KLHL8: variants seen among roughly 807,000 people sequenced by gnomAD.
KLHL8 encodes the protein kelch-like protein 8.
Under a neutral mutation model 63.5 loss-of-function variants are expected in KLHL8, and 38 were observed. The observed-to-expected ratio is 0.60, with a 90% confidence interval of 0.46 to 0.78. KLHL8 has a LOEUF of 0.78. KLHL8 is among the 30% of genes least tolerant of loss of function. The probability of loss-of-function intolerance (pLI) is 0.00; values close to 1 mark genes in which losing one functional copy is unlikely to be tolerated. For missense variants in KLHL8, 566 were observed against 752.4 expected (o/e 0.75, Z 2.90); for synonymous variants, 224 against 254.3 (o/e 0.88, Z 1.13).
chr4:87,202,435 T>C (rs964769270), intron 1 of KLHL8, among the ~76,000 whole-genome samples: 1 of 152,066 alleles, frequency 6.6e-6, no homozygotes, highest in Non-Finnish European at 1.5e-5. Context: ...ATCAACAGAA[T>C]TGATAAACAT....
chr4:87,170,675 A>AC, intron 6 of KLHL8, 60 bp from the exon 7 acceptor site: 1 of 1,466,782 alleles, frequency 6.8e-7, no homozygotes, highest in Non-Finnish European at 9.3e-7. Context: ...AAAAAGTCAT[A>AC]TAAAAAATTG....
rs1017323281 is a variant in KLHL8 at position 87,181,405 on chromosome 4, CA to C, written c.952+1797del. On this transcript the variant is annotated intron_variant, in intron 4 of 9. Transcript: ENST00000273963. ...TGGGTGACAGAGCGAGACTCAGTCT[CA>C]AAAAAAAAGAAATCTGTTTATAAGT... is the stretch of plus-strand genomic sequence containing the variant. 1.4e-3 allele frequency among the ~76,000 whole-genome samples: 216 copies of C among 149,452 alleles called. 2 individuals carry two copies. Among genetic ancestry groups the C allele is most frequent in the African/African-American group, 4.5e-3 (185 of 40,784 alleles).
chr4:87,205,209 C>A (rs143403117), intron 1 of KLHL8, among the ~76,000 whole-genome samples: 2,464 of 152,250 alleles, frequency 0.016, 75 homozygotes, highest in African/African-American at 0.057. Flanking sequence ...GAGTTCAAGA[C>A]CAGCCTGGGC....
chr4:87,208,684 A>T (rs1222812812), intron 1 of KLHL8, among the ~76,000 whole-genome samples: 1 of 152,056 alleles, frequency 6.6e-6, no homozygotes, highest in Non-Finnish European at 1.5e-5. Flanking sequence ...GTCCTATATG[A>T]GTATTATGAC....
upstream of KLHL8, among the ~76,000 whole-genome samples, chr4:87,221,796 T>A (rs1054701804): frequency 2.6e-5 from 4 of 152,178 alleles, no homozygotes; most frequent in African/African-American, 4.8e-5. Context: ...ATATAAATAA[T>A]TCTTAATATT....
chr4:87,226,874 TAAATA>T (rs1733020948), intron 1 of KLHL8, among the ~76,000 whole-genome samples: 3 of 40,558 alleles, frequency 7.4e-5, no homozygotes, highest in Non-Finnish European at 8.2e-5. Context: ...ATATTATATA[TAAATA>T]ATATATATTA....
At chr4:87,214,413 CAGATATAT>C (rs1282155674) in intron 1 of KLHL8, among the ~76,000 whole-genome samples, 4 of 45,328 alleles carry the variant, frequency 8.8e-5, no homozygotes, top group Non-Finnish European at 2.0e-4. Context: ...TGGCACATAA[CAGATATAT>C]ATATATATAT....
intron 1 of KLHL8, among the ~76,000 whole-genome samples, chr4:87,199,294 A>C (rs1177344621): frequency 6.6e-6 from 1 of 152,196 alleles, no homozygotes; most frequent in Non-Finnish European, 1.5e-5. Context: ...AAAAGAAAGA[A>C]GTTGGACCCT....
intron 1 of KLHL8, among the ~76,000 whole-genome samples, chr4:87,230,410 A>G (rs1221180933): frequency 6.6e-6 from 1 of 152,158 alleles, no homozygotes; most frequent in East Asian, 1.9e-4. Context: ...GTGAAGACGA[A>G]TCTGGAGAGA....
chr4:87,170,663 A>T, intron 6 of KLHL8, 48 bp from the exon 7 acceptor site: 1 of 1,511,896 alleles, frequency 6.6e-7, no homozygotes, highest in Non-Finnish European at 9.0e-7. Flanking sequence ...TGTTTCCAGG[A>T]AAAAAAGTCA....
At chr4:87,195,252 T>A (rs1226474823) in intron 2 of KLHL8, 72 bp downstream of exon 2, 1 of 1,256,678 alleles carries the variant, frequency 8.0e-7, no homozygotes, top group Non-Finnish European at 1.1e-6. Context: ...TTGCCTTGTA[T>A]GGTTACAGAA....
chr4:87,183,229 C>T lies in KLHL8; in HGVS notation c.926G>A (p.Arg309Gln), dbSNP rs1015568507. 3.1e-6 allele frequency: 5 copies of T among 1,609,348 alleles called. No homozygotes were observed. Among genetic ancestry groups the T allele is most frequent in the East Asian group, 2.2e-5 (1 of 44,744 alleles). ...RAVPDFEYSIRTTPRKHTAGV... is the reference protein window; with the variant it reads ...RAVPDFEYSIQTTPRKHTAGV... ...AGCAGTATGCTTCCTTGGGGTAGTC[C>T]GAATGGAGTATTCAAAGTCAGGTAC... is the stretch of plus-strand genomic sequence containing the variant. The change falls in exon 4 of 10, where the codon CGG (arginine) becomes CAG (glutamine). Residue 309 changes from arginine to glutamine, a missense_variant. Arg to Gln is a conservative substitution (Grantham distance 43). Coordinates refer to ENST00000273963, the MANE Select transcript of KLHL8 (RefSeq NM_020803.5).
chr4:87,223,544 C>T (rs1365759726), upstream of KLHL8, among the ~76,000 whole-genome samples: 1 of 151,926 alleles, frequency 6.6e-6, no homozygotes, highest in African/African-American at 2.4e-5. Context: ...GATCTAGACT[C>T]GGAGACAGAG....
chr4:87,238,013 G>A (rs1005611148), intron 1 of KLHL8, among the ~76,000 whole-genome samples: 1 of 152,124 alleles, frequency 6.6e-6, no homozygotes, highest in Non-Finnish European at 1.5e-5. Flanking sequence ...TCAGCTCACT[G>A]CAACCTCCTT....
intron 2 of KLHL8, among the ~76,000 whole-genome samples, chr4:87,193,825 A>G: frequency 6.6e-6 from 1 of 152,150 alleles, no homozygotes; most frequent in East Asian, 1.9e-4. Flanking sequence ...TGGGACCACC[A>G]CTGTATATGG....
At chr4:87,171,231 T>G (rs1236667299) in intron 6 of KLHL8, among the ~76,000 whole-genome samples, 1 of 152,210 alleles carries the variant, frequency 6.6e-6, no homozygotes, top group African/African-American at 2.4e-5. Context: ...AAAGTTGAAC[T>G]ATTATCAAAC....
chr4:87,208,072 C>A, intron 1 of KLHL8: 1 of 580,844 alleles, frequency 1.7e-6, no homozygotes, highest in East Asian at 3.8e-5. Flanking sequence ...CCTCATGGCC[C>A]ACATGGCCTC....
At chr4:87,200,895 A>G (rs561361783) in intron 1 of KLHL8, among the ~76,000 whole-genome samples, 34 of 152,352 alleles carry the variant, frequency 2.2e-4, no homozygotes, top group African/African-American at 7.5e-4. Flanking sequence ...GCCTAAATGT[A>G]CATCATCAGA....
At chr4:87,198,527 G>A (rs948457492) in intron 1 of KLHL8, among the ~76,000 whole-genome samples, 2 of 152,184 alleles carry the variant, frequency 1.3e-5, no homozygotes, top group South Asian at 4.2e-4. Flanking sequence ...TGTAACAACC[G>A]GATGAATCTC....
Sources: allele counts gnomAD v4.1 joint callset (sites outside exome capture counted in the v4.1 genomes callset), GRCh38; gene constraint gnomAD v4.1.1; transcripts MANE v1.5; gene names NCBI Gene and HGNC (gene_info 2026-07-23, HGNC 2026-07-21).